Variants in CMKLR1 observed in about 807,000 individuals in gnomAD.
CMKLR1 encodes chemerin-like receptor 1.
A neutral mutation model predicts 8.2 loss-of-function variants in CMKLR1; 6 were observed. The observed-to-expected ratio is 0.73, with a 90% confidence interval of 0.40 to 1.44. The LOEUF (loss-of-function observed/expected upper bound fraction) is 1.44. CMKLR1 is among the 40% of genes most tolerant of loss of function. The pLI, the probability that CMKLR1 is intolerant of heterozygous loss-of-function variation, is 0.02. For missense variants in CMKLR1, 429 were observed against 478.0 expected, an observed-to-expected ratio of 0.90 and a Z score of 0.96; for synonymous variants, 178 against 181.2, an observed-to-expected ratio of 0.98 and a Z score of 0.14.
chr12:108,292,768 G>A lies in CMKLR1; in HGVS notation c.195C>T (p.Ala65=). Residue 65 remains alanine (A), a synonymous_variant, in exon 4 of 4, where the codon GCC becomes GCT. Coordinates refer to ENST00000550402, the MANE Select transcript of CMKLR1 (RefSeq NM_001142343.2). ...TCACTGTCTTCTTCATCTTGAAGGT[G>A]GCAATGATGATCACCAGACCATTGC... The part of the protein sequence containing the change: ...ILGNGLVIII[A]TFKMKKTVNM... 6.2e-7 allele frequency: 1 copy of A among 1,614,156 alleles called. No homozygotes were observed. The highest frequency in any genetic ancestry group is 8.5e-7 in the Non-Finnish European group (1 of 1,180,024).
intron 2 of CMKLR1, among the ~76,000 whole-genome samples, chr12:108,303,501 C>T (rs537187874): frequency 3.9e-5 from 6 of 152,366 alleles, no homozygotes; most frequent in African/African-American, 1.4e-4. Context: ...GAGAAGGTAA[C>T]TAACGTGCCC....
intron 2 of CMKLR1, among the ~76,000 whole-genome samples, chr12:108,321,114 A>G (rs573550230): frequency 6.6e-6 from 1 of 152,268 alleles, no homozygotes; most frequent in South Asian, 2.1e-4. Context: ...TCCCCGTGGG[A>G]TCAGACTGAA....
At chr12:108,327,104 T>C (rs1159098846) in intron 2 of CMKLR1, among the ~76,000 whole-genome samples, 1 of 152,172 alleles carries the variant, frequency 6.6e-6, no homozygotes, top group Non-Finnish European at 1.5e-5. Flanking sequence ...TGTAACACGA[T>C]AGAACCCACC....
intron 1 of CMKLR1, among the ~76,000 whole-genome samples, chr12:108,333,962 T>C (rs1270613961): frequency 6.6e-6 from 1 of 152,252 alleles, no homozygotes; most frequent in Non-Finnish European, 1.5e-5. Context: ...TGGCTGCCAA[T>C]AACAGGGGCT....
Position 108,289,336 on chromosome 12 carries a change from T to G in CMKLR1, c.*2505A>C, listed in dbSNP as rs1890893052. 1 of 152,282 alleles carries G rather than the reference T, an allele frequency of 6.6e-6. No individual in the cohort carries two copies. Among genetic ancestry groups the G allele is most frequent in the African/African-American group, 2.4e-5 (1 of 41,448 alleles). 9.4% of individuals were successfully genotyped at this position (152,282 alleles called of 1,614,324 possible). Reference sequence around the variant, plus strand: ...ACGATATATGCATGACCCATGGAGATGTTCACATGAAGCTGTGGGGACAAG... The same window carrying G: ...ACGATATATGCATGACCCATGGAGAGGTTCACATGAAGCTGTGGGGACAAG... On this transcript the variant is annotated 3_prime_UTR_variant, in exon 4 of 4. Coordinates refer to ENST00000550402, the MANE Select transcript of CMKLR1 (RefSeq NM_001142343.2).
At chr12:108,305,031 G>T (rs1424438562) in intron 2 of CMKLR1, among the ~76,000 whole-genome samples, 2 of 152,224 alleles carry the variant, frequency 1.3e-5, no homozygotes. Context: ...CAGCCAGATG[G>T]CTCAGACACC....
chr12:108,314,230 G>A (rs145995446), intron 2 of CMKLR1, among the ~76,000 whole-genome samples: 2 of 152,278 alleles, frequency 1.3e-5, no homozygotes, highest in South Asian at 2.1e-4. Flanking sequence ...TCACGGCTAA[G>A]GGTGAAATGC....
chr12:108,334,121 A>C (rs188691443), intron 1 of CMKLR1, among the ~76,000 whole-genome samples: 167 of 152,354 alleles, frequency 1.1e-3, no homozygotes, highest in African/African-American at 3.9e-3. Context: ...CACTTTCCTC[A>C]TCTCTCAAAT....
At chr12:108,309,953 G>T (rs1891507327) in intron 2 of CMKLR1, among the ~76,000 whole-genome samples, 1 of 152,190 alleles carries the variant, frequency 6.6e-6, no homozygotes, top group Non-Finnish European at 1.5e-5. Context: ...GGTCATTTGG[G>T]TCTCCTGCCT....
chr12:108,309,752 G>T (rs528407579), intron 2 of CMKLR1, among the ~76,000 whole-genome samples: 4 of 152,300 alleles, frequency 2.6e-5, no homozygotes, highest in African/African-American at 9.6e-5. Context: ...GTTATCCACA[G>T]TCCCCACCCC....
At chr12:108,303,798 T>C (rs1891338161) in intron 2 of CMKLR1, among the ~76,000 whole-genome samples, 1 of 152,184 alleles carries the variant, frequency 6.6e-6, no homozygotes, top group South Asian at 2.1e-4. Context: ...TCCCTCTGCC[T>C]CTGGTTAATA....
At position 108,322,295 on chromosome 12, in the gene CMKLR1, T is replaced by C. The variant is rs539923216; in HGVS notation, c.-74+7700A>G. 2.2e-3 allele frequency among the ~76,000 whole-genome samples: 341 copies of C among 152,294 alleles called. 1 individual carries two copies. The highest frequency in any genetic ancestry group is 7.6e-3 in the African/African-American group (315 of 41,544). ...GGCTTGGGGAGGGAAGCTCAGGGCTTCGTCCCCTAGTCATGCCACCCCTTT... is the reference window on the plus strand; with the variant it reads ...GGCTTGGGGAGGGAAGCTCAGGGCTCCGTCCCCTAGTCATGCCACCCCTTT... On this transcript the variant is annotated intron_variant, in intron 2 of 3. Coordinates refer to ENST00000550402, the MANE Select transcript of CMKLR1 (RefSeq NM_001142343.2).
intron 2 of CMKLR1, among the ~76,000 whole-genome samples, chr12:108,294,031 G>A (rs954784403): frequency 6.6e-6 from 1 of 152,198 alleles, no homozygotes; most frequent in Admixed American, 6.5e-5. Flanking sequence ...TACCAGGGCA[G>A]GACCCACAAA....
At chr12:108,321,540 T>C (rs1891862081) in intron 2 of CMKLR1, among the ~76,000 whole-genome samples, 1 of 152,120 alleles carries the variant, frequency 6.6e-6, no homozygotes, top group Admixed American at 6.5e-5. Context: ...CGCGTCTGCG[T>C]CACTCACCAC....
At position 108,292,485 on chromosome 12, in the gene CMKLR1, A is replaced by G. The variant is rs1469247569; in HGVS notation, c.478T>C (p.Cys160Arg). 27 of 1,614,200 alleles carry G rather than the reference A, an allele frequency of 1.7e-5. No individual in the cohort carries two copies. Among genetic ancestry groups the G allele is most frequent in the Non-Finnish European group, 2.1e-5 (25 of 1,180,028 alleles). Residue 160 changes from cysteine (C) to arginine (R), a missense_variant, in exon 4 of 4, where the codon TGC (cysteine) becomes CGC (arginine). By Grantham distance (180) the Cys-to-Arg change is radical (BLOSUM62 -3). Coordinates refer to ENST00000550402, the MANE Select transcript of CMKLR1 (RefSeq NM_001142343.2). ...HRSVRLAYMA[C>R]MVIWVLAFFL... ...AAAGCCAGGACCCAGATGACCATGC[A>G]GGCCATGTAAGCCAGGCGAACGCTG...
chr12:108,326,828 C>A lies in CMKLR1; in HGVS notation c.-74+3167G>T, dbSNP rs530705804. ...TCCCAAGGGCCTCGCATGCACCCTGCCTTATTTTAAGTGCAAGGAAATCTT... is the reference window on the plus strand; with the variant it reads ...TCCCAAGGGCCTCGCATGCACCCTGACTTATTTTAAGTGCAAGGAAATCTT... On this transcript the variant is annotated intron_variant, in intron 2 of 3. Coordinates refer to ENST00000550402, the MANE Select transcript of CMKLR1 (RefSeq NM_001142343.2). 1.3e-5 allele frequency among the ~76,000 whole-genome samples: 2 copies of A among 152,280 alleles called. 1 individual carries two copies. Among genetic ancestry groups the A allele is most frequent in the South Asian group, 4.1e-4 (2 of 4,820 alleles).
At chr12:108,338,937 TA>T (rs924068291) in intron 1 of CMKLR1, 89 bp downstream of exon 1, 1 of 152,236 alleles carries the variant, frequency 6.6e-6, no homozygotes, top group African/African-American at 2.4e-5. Context: ...TATGAAATTA[TA>T]AAAAGAAACA....
At chr12:108,305,808 A>G (rs1310357308) in intron 2 of CMKLR1, among the ~76,000 whole-genome samples, 2 of 152,188 alleles carry the variant, frequency 1.3e-5, no homozygotes, top group East Asian at 3.9e-4. Context: ...GGGCTGCCTA[A>G]CAGACTGTCC....
intron 1 of CMKLR1, among the ~76,000 whole-genome samples, chr12:108,331,590 T>C (rs182280323): frequency 1.6e-3 from 248 of 152,324 alleles, no homozygotes; most frequent in African/African-American, 5.4e-3. Context: ...TGTAAATATG[T>C]CATCCTACAT....
Sources: allele counts gnomAD v4.1 joint callset (sites outside exome capture counted in the v4.1 genomes callset), GRCh38; gene constraint gnomAD v4.1.1; transcripts MANE v1.5; gene names NCBI Gene and HGNC (gene_info 2026-07-23, HGNC 2026-07-21).